The following FAM193B variants were observed in gnomAD, a reference collection of about 807,000 sequenced individuals.
FAM193B encodes family with sequence similarity 193 member B.
In FAM193B, 27 loss-of-function variants were observed where a neutral mutation model predicts 70.7. That is an observed-to-expected ratio of 0.38 (90% confidence interval 0.28 to 0.53). The LOEUF is 0.53. Ranked by LOEUF, FAM193B falls within the 20% of genes least tolerant of loss-of-function variation. The pLI, the probability that FAM193B is intolerant of heterozygous loss-of-function variation, is 0.81. For missense variants in FAM193B, 1,022 were observed against 1,072.5 expected, an observed-to-expected ratio of 0.95 and a Z score of 0.66; for synonymous variants, 448 against 436.0, an observed-to-expected ratio of 1.03 and a Z score of -0.34.
intron 4 of FAM193B, among the ~76,000 whole-genome samples, chr5:177,533,163 A>C (rs550794771): frequency 9.2e-5 from 14 of 152,174 alleles, no homozygotes; most frequent in African/African-American, 3.4e-4. Flanking sequence ...TTCACTTTCT[A>C]AGGTGCTTCT....
At chr5:177,545,928 AT>A (rs1183326165) in intron 1 of FAM193B, among the ~76,000 whole-genome samples, 2 of 152,164 alleles carry the variant, frequency 1.3e-5, no homozygotes, top group African/African-American at 4.8e-5. Context: ...CCCAAATTCT[AT>A]TTTGAAATGG....
At chr5:177,549,011 T>G (rs1765825262) in intron 1 of FAM193B, among the ~76,000 whole-genome samples, 1 of 152,054 alleles carries the variant, frequency 6.6e-6, no homozygotes, top group Admixed American at 6.5e-5. Context: ...CTGGAGAACT[T>G]CTACACAACC....
At chr5:177,553,976 C>T in intron 1 of FAM193B, 1 of 1,263,090 alleles carries the variant, frequency 7.9e-7, no homozygotes, top group Non-Finnish European at 1.0e-6. Flanking sequence ...GTCCCAGTCC[C>T]AGTGTGGGTG....
intron 4 of FAM193B, among the ~76,000 whole-genome samples, chr5:177,535,323 C>T (rs1432059375): frequency 6.6e-6 from 1 of 152,218 alleles, no homozygotes; most frequent in Non-Finnish European, 1.5e-5. Flanking sequence ...TAAGTGAAAA[C>T]CGGCGGGTGG....
intron 8 of FAM193B, among the ~76,000 whole-genome samples, chr5:177,521,368 G>A (rs965058267): frequency 6.6e-6 from 1 of 152,234 alleles, no homozygotes; most frequent in Non-Finnish European, 1.5e-5. Context: ...GGGAGGGGAT[G>A]CCAATGCCAT....
chr5:177,532,062 TG>T lies in FAM193B; in HGVS notation c.1275+380del. 1 of 1,295,310 alleles carries T rather than the reference TG, an allele frequency of 7.7e-7. No homozygotes were observed. Among genetic ancestry groups the T allele is most frequent in the South Asian group, 1.2e-5 (1 of 81,046 alleles). The allele number at this position is 1,295,310 out of a possible 1,614,324, so 80.2% of individuals were successfully genotyped here. ...GCTCACGGCCTGTCCCTCGGCTGGC[TG>T]TCACACTTGGGGGACTGAGAGCCTT... On this transcript the variant is annotated intron_variant, in intron 5 of 8. Transcript: ENST00000514747. The surrounding 1 kb of genome is among the most constrained non-coding windows in gnomAD (Gnocchi z 4.9).
intron 4 of FAM193B, among the ~76,000 whole-genome samples, chr5:177,535,310 C>T (rs116340887): frequency 2.4e-4 from 37 of 152,322 alleles, no homozygotes; most frequent in African/African-American, 7.5e-4. Flanking sequence ...GAGGAGGCAA[C>T]GCTAAGTGAA....
Position 177,532,268 on chromosome 5 carries a change from C to G in FAM193B, c.1275+175G>C, listed in dbSNP as rs977602986. On this transcript the variant is annotated intron_variant, in intron 5 of 8. Transcript: ENST00000514747. This position sits in a 1 kb window ranked among gnomAD's most constrained non-coding sequence, Gnocchi z 4.9. ...CAAAGGTAGCAAAATGTTTAAAAAC[C>G]CCTACCTCACAAATGTGCTGTGAGG... The G allele has an allele frequency of 6.7e-7, 1 of 1,488,708 alleles. No individual in the cohort carries two copies. The allele number at this position is 1,488,708 out of a possible 1,614,324, so 92.2% of individuals were successfully genotyped here.
Position 177,524,559 on chromosome 5 carries a change from C to G in FAM193B, c.1922G>C (p.Gly641Ala). 1 of 1,610,294 alleles carries G rather than the reference C, an allele frequency of 6.2e-7. No homozygotes were observed. The highest frequency in any genetic ancestry group is 8.5e-7 in the Non-Finnish European group (1 of 1,178,276). Residue 641 changes from glycine (G) to alanine (A), a missense_variant, in exon 6 of 9, where the codon GGC (glycine) becomes GCC (alanine). By Grantham distance (60) the Gly-to-Ala change is moderately conservative. Coordinates refer to ENST00000514747, the MANE Select transcript of FAM193B (RefSeq NM_001190946.3). ...TGCCTCGCTCTTCTTGGCCTGACTG[C>G]CCTGCCTCTTGCCCTTCTGTGGCTT... ...GGKPQKGKRQ[G>A]SQAKKSEASP... is the part of the protein sequence containing the mutation.
At chr5:177,550,695 G>A (rs1371744566) in intron 1 of FAM193B, among the ~76,000 whole-genome samples, 1 of 152,188 alleles carries the variant, frequency 6.6e-6, no homozygotes, top group Non-Finnish European at 1.5e-5. Flanking sequence ...CAAGAGAGAT[G>A]AAAGACAGCT....
In FAM193B at chr5:177,549,730, T is replaced by A. The variant is rs150553946; in HGVS notation, c.210+4519A>T. Among the ~76,000 whole-genome samples, 531 of 152,368 alleles carry A rather than the reference T, an allele frequency of 3.5e-3. 3 individuals carry two copies. The highest frequency in any genetic ancestry group is 0.012 in the African/African-American group (496 of 41,590). ...GCCCAGGCCTGGCACAGAGCTGGGA[T>A]CGGTTAGTGTCTGCACAATAAATGC... On this transcript the variant is annotated intron_variant, in intron 1 of 8. Transcript: ENST00000514747.
intron 1 of FAM193B, among the ~76,000 whole-genome samples, chr5:177,546,052 G>A (rs186884753): frequency 7.3e-4 from 111 of 152,318 alleles, no homozygotes; most frequent in Non-Finnish European, 5.4e-4. Context: ...CAGAGAAAAT[G>A]ATTAATCCTC....
At position 177,524,819 on chromosome 5, in the gene FAM193B, G is replaced by C; in HGVS notation, c.1662C>G (p.Ala554=). 1 of 1,511,444 alleles carries C rather than the reference G, an allele frequency of 6.6e-7. No individual in the cohort carries two copies. Among genetic ancestry groups the C allele is most frequent in the South Asian group, 1.3e-5 (1 of 74,258 alleles). The allele number at this position is 1,511,444 out of a possible 1,614,324, so 93.6% of individuals were successfully genotyped here. ...NHTLQAPGEP[A]PPWAEMRGPH... is the part of the protein sequence containing the mutation. ...GGCCTCTCATTTCTGCCCATGGTGG[G>C]GCTGGCTCGCCTGGAGCTTGTAACG... is the stretch of plus-strand genomic sequence containing the variant. The change falls in exon 6 of 9, where the codon GCC becomes GCG. Residue 554 remains alanine, a synonymous_variant. Coordinates refer to ENST00000514747, the MANE Select transcript of FAM193B (RefSeq NM_001190946.3).
intron 5 of FAM193B, among the ~76,000 whole-genome samples, chr5:177,528,712 C>G (rs1212463039): frequency 6.6e-6 from 1 of 152,190 alleles, no homozygotes; most frequent in Non-Finnish European, 1.5e-5. Flanking sequence ...CTCGGAAGGC[C>G]TAGCGGTTTG....
At chr5:177,522,893 T>G (rs565925989) in intron 7 of FAM193B, 1 of 151,208 alleles carries the variant, frequency 6.6e-6, no homozygotes, top group Admixed American at 6.6e-5. Flanking sequence ...TTTTGTATTT[T>G]TATTAGAGAC....
chr5:177,549,788 G>A (rs928503743), intron 1 of FAM193B, among the ~76,000 whole-genome samples: 2 of 152,240 alleles, frequency 1.3e-5, no homozygotes, highest in South Asian at 2.1e-4. Context: ...CACAGCATGC[G>A]AATGGCTGGC....
In FAM193B at chr5:177,524,636, C is replaced by T; in HGVS notation, c.1845G>A (p.Lys615=). 3.1e-6 allele frequency: 5 copies of T among 1,612,864 alleles called. No homozygotes were observed. Among genetic ancestry groups the T allele is most frequent in the Non-Finnish European group, 2.5e-6 (3 of 1,179,608 alleles). Residue 615 remains lysine, a synonymous_variant, in exon 6 of 9, where the codon AAG becomes AAA. Transcript: ENST00000514747. ...GCTCCTGCTTGCAACTGGGAACTTC[C>T]TTTGAGCTTGGCTCCTCGGAGCTGG... ...GYPSSEEPSS[K]EVPSCKQELP...
chr5:177,527,481 C>T (rs1762791350), intron 5 of FAM193B, among the ~76,000 whole-genome samples: 1 of 152,176 alleles, frequency 6.6e-6, no homozygotes. Flanking sequence ...GGTAGGGAGA[C>T]AGAATGAGAA....
At chr5:177,552,011 A>G in intron 1 of FAM193B, 3 of 985,288 alleles carry the variant, frequency 3.0e-6, no homozygotes, top group Non-Finnish European at 3.6e-6. Flanking sequence ...AGTTTAAAAA[A>G]AAATGCCTTG....
Sources: allele counts gnomAD v4.1 joint callset (sites outside exome capture counted in the v4.1 genomes callset), GRCh38; gene constraint gnomAD v4.1.1; non-coding constraint Gnocchi (gnomAD v3.1); transcripts MANE v1.5; gene names NCBI Gene and HGNC (gene_info 2026-07-23, HGNC 2026-07-21).